ZUP1: variants seen among roughly 807,000 people sequenced by gnomAD.
ZUP1 encodes the protein zinc finger-containing ubiquitin peptidase 1.
A neutral mutation model predicts 68.1 loss-of-function variants in ZUP1; 55 were observed. The ratio of observed to expected loss-of-function variants is 0.81; its 90% CI spans 0.65 to 1.01. The LOEUF is 1.01. ZUP1 is among the 50% of genes least tolerant of loss of function. The pLI, the probability that ZUP1 is intolerant of heterozygous loss-of-function variation, is 0.00. For synonymous variants in ZUP1, 223 were observed against 221.5 expected (o/e 1.01, Z -0.06); for missense variants, 684 against 674.9 (o/e 1.01, Z -0.15).
Position 116,667,174 on chromosome 6 carries a change from A to T in ZUP1, c.19T>A (p.Cys7Ser). The change falls in exon 2 of 10, where the codon TGT becomes AGT. Residue 7 changes from cysteine to serine, a missense_variant. Coordinates refer to ENST00000368576, the MANE Select transcript of ZUP1 (RefSeq NM_145062.3). ...GGTTCTGAGGTTACTGTTTCACCAC[A>T]AATATTACAGGAAAGCATGGTATTG... MLSCNI[C>S]GETVTSEPDM... is the part of the protein sequence containing the mutation. The T allele has an allele frequency of 6.3e-7, 1 of 1,587,178 alleles. No individual in the cohort carries two copies. Among genetic ancestry groups the T allele is most frequent in the South Asian group, 1.2e-5 (1 of 86,836 alleles).
chr6:116,637,899 C>CTAAATATACAAAATTAGCTGGG (rs1775950060), intron 9 of ZUP1, among the ~76,000 whole-genome samples: 1 of 151,836 alleles, frequency 6.6e-6, no homozygotes, highest in Non-Finnish European at 1.5e-5. Context: ...CCCATCTCTA[C>CTAAATATACAAAATTAGCTGGG]TAAATATACA....
Position 116,635,882 on chromosome 6 carries a change from T to C in ZUP1, c.1690-3A>G. On this transcript the variant is annotated splice_region_variant and splice_polypyrimidine_tract_variant and intron_variant, in intron 9 of 9. Coordinates refer to ENST00000368576, the MANE Select transcript of ZUP1 (RefSeq NM_145062.3). ...ACTTGAGAAGCTTGTCTCCTGGCCT[T>C]GAAAAGAAATTTTAAAAAACAATTT... 1 of 1,579,420 alleles carries C rather than the reference T, an allele frequency of 6.3e-7. No individual in the cohort carries two copies. Among genetic ancestry groups the C allele is most frequent in the Non-Finnish European group, 8.6e-7 (1 of 1,164,790 alleles).
At position 116,645,916 on chromosome 6, in the gene ZUP1, A is replaced by G. The variant is rs1776291255; in HGVS notation, c.1487T>C (p.Ile496Thr). The change falls in exon 9 of 10, where the codon ATT becomes ACT. Residue 496 changes from isoleucine (I) to threonine (T), a missense_variant. Physicochemically the swap from Ile to Thr is moderately conservative, Grantham distance 89. Transcript: ENST00000368576. ...TCGGTTTTTTTTCTCTTCAATTCCAATAACAGTTCGACTGTGACCTATCAA... is the reference window on the plus strand; with the variant it reads ...TCGGTTTTTTTTCTCTTCAATTCCAGTAACAGTTCGACTGTGACCTATCAA... ...LQHQGHSRTV[I>T]GIEEKKNRTL... 5 of 1,612,950 alleles carry G rather than the reference A, an allele frequency of 3.1e-6. No homozygotes were observed. Among genetic ancestry groups the G allele is most frequent in the South Asian group, 1.1e-5 (1 of 90,910 alleles).
intron 2 of ZUP1, among the ~76,000 whole-genome samples, chr6:116,664,879 G>GACAGAC: frequency 1.4e-5 from 2 of 147,244 alleles, no homozygotes; most frequent in South Asian, 4.3e-4. Flanking sequence ...CACAAGTACA[G>GACAGAC]ACACACACAC....
intron 5 of ZUP1, among the ~76,000 whole-genome samples, chr6:116,652,732 C>T (rs1055822198): frequency 6.6e-6 from 1 of 151,994 alleles, no homozygotes; most frequent in Non-Finnish European, 1.5e-5. Flanking sequence ...TTCCATTTTG[C>T]TATTTGGGGA....
intron 7 of ZUP1, among the ~76,000 whole-genome samples, chr6:116,650,422 C>CAAA (rs61692064): frequency 0.23 from 10,649 of 46,306 alleles, 1,210 homozygotes; most frequent in East Asian, 0.25. Flanking sequence ...AACTCCGTCT[C>CAAA]AAAAAAAAAA....
At chr6:116,645,578 G>A (rs1776265370) in intron 9 of ZUP1, 136 bp downstream of exon 9, 5 of 621,818 alleles carry the variant, frequency 8.0e-6, no homozygotes, top group Non-Finnish European at 1.0e-5. Flanking sequence ...GTGAGACCCT[G>A]TCTCCAAAAA....
chr6:116,656,809 T>A lies in ZUP1; in HGVS notation c.836A>T (p.Gln279Leu), dbSNP rs749449047. 2 of 1,608,140 alleles carry A rather than the reference T, an allele frequency of 1.2e-6. No individual in the cohort carries two copies. Among genetic ancestry groups the A allele is most frequent in the Non-Finnish European group, 1.7e-6 (2 of 1,176,062 alleles). ...LDNSGGYKQQ[Q>L]LRNMEIEVNR... ...TACTTCTATCTCCATATTTCGTAGT[T>A]GTTGTTGTTTGTATCCTCCAGAATT... is the stretch of plus-strand genomic sequence containing the variant. The change falls in exon 5 of 10, where the codon CAA becomes CTA. Residue 279 changes from glutamine to leucine, a missense_variant. Coordinates refer to ENST00000368576, the MANE Select transcript of ZUP1 (RefSeq NM_145062.3).
chr6:116,650,215 G>A (rs1776441022), intron 7 of ZUP1, among the ~76,000 whole-genome samples: 1 of 152,014 alleles, frequency 6.6e-6, no homozygotes, highest in African/African-American at 2.4e-5. Context: ...CTGTGGTCAA[G>A]AGTTGAGACC....
intron 9 of ZUP1, among the ~76,000 whole-genome samples, chr6:116,644,907 G>GA (rs1257010641): frequency 6.6e-6 from 1 of 151,618 alleles, no homozygotes; most frequent in African/African-American, 2.4e-5. Flanking sequence ...GAGGTGAAAA[G>GA]AAAAAATCAG....
intron 9 of ZUP1, among the ~76,000 whole-genome samples, chr6:116,636,254 T>G (rs942845074): frequency 6.6e-6 from 1 of 152,164 alleles, no homozygotes; most frequent in East Asian, 1.9e-4. Flanking sequence ...TCCCTCATTA[T>G]AGTCTTAAAA....
At chr6:116,646,029 A>G (rs1776298876) in intron 8 of ZUP1, 95 bp from the exon 9 acceptor site, 3 of 856,178 alleles carry the variant, frequency 3.5e-6, no homozygotes, top group South Asian at 1.9e-5. Flanking sequence ...ATGTGTGTTT[A>G]GAATATAAAT....
chr6:116,666,900 T>G lies in ZUP1; in HGVS notation c.293A>C (p.Asn98Thr). ...NSSILSGCAS[N>T]HPKNSAQNLT... is the part of the protein sequence containing the mutation. ...GTTTTGAGCTGAATTTTTTGGATGA[T>G]TAGATGCACAACCTGAAAGAATACT... is the stretch of plus-strand genomic sequence containing the variant. The change falls in exon 2 of 10, where the codon AAT becomes ACT. Residue 98 changes from asparagine (N) to threonine (T), a missense_variant. Physicochemically the swap from Asn to Thr is moderately conservative, Grantham distance 65. Transcript: ENST00000368576. 1 of 1,611,764 alleles carries G rather than the reference T, an allele frequency of 6.2e-7. No individual in the cohort carries two copies. Among genetic ancestry groups the G allele is most frequent in the Non-Finnish European group, 8.5e-7 (1 of 1,179,346 alleles).
rs1176055318 is a variant in ZUP1, at chr6:116,668,087, CTATT to C, written c.-16+475_-16+478del. On this transcript the variant is annotated intron_variant, in intron 1 of 9. Transcript: ENST00000368576. ...CTACAGGTCATCGTTCAGCTAAAGA[CTATT>C]TAAAATCAAACAGGAAAAGTAATGA... is the stretch of plus-strand genomic sequence containing the variant. Among the ~76,000 whole-genome samples, 8 of 152,314 alleles carry C rather than the reference CTATT, an allele frequency of 5.3e-5. No individual in the cohort carries two copies. In the South Asian group the frequency reaches 1.5e-3, roughly 28 times the overall value.
chr6:116,658,253 C>T (rs1403912786), intron 4 of ZUP1, among the ~76,000 whole-genome samples: 1 of 152,142 alleles, frequency 6.6e-6, no homozygotes, highest in Non-Finnish European at 1.5e-5. Flanking sequence ...TTTAGTCCAA[C>T]AGGTAAAACC....
rs1465067495 is a variant in ZUP1 at position 116,642,539 on chromosome 6, A to T, written c.1689+3175T>A. 2.0e-5 allele frequency among the ~76,000 whole-genome samples: 3 copies of T among 152,246 alleles called. No individual in the cohort carries two copies. The East Asian group carries it at 5.8e-4, about 29-fold the overall frequency. ...ATGCAAGGCTGGTTCAATATACGCAAATCAATAAATGTAATCCAGAATATA... is the reference window on the plus strand; with the variant it reads ...ATGCAAGGCTGGTTCAATATACGCATATCAATAAATGTAATCCAGAATATA... On this transcript the variant is annotated intron_variant, in intron 9 of 9. Coordinates refer to ENST00000368576, the MANE Select transcript of ZUP1 (RefSeq NM_145062.3).
intron 9 of ZUP1, among the ~76,000 whole-genome samples, chr6:116,638,505 T>C (rs996659053): frequency 1.3e-5 from 2 of 152,180 alleles, no homozygotes; most frequent in South Asian, 4.1e-4. Flanking sequence ...GAAATGTGAA[T>C]ATCCAATAAG....
chr6:116,653,611 AT>A (rs908075264), intron 5 of ZUP1, among the ~76,000 whole-genome samples: 1 of 152,072 alleles, frequency 6.6e-6, no homozygotes, highest in African/African-American at 2.4e-5. Context: ...AAAAACAACA[AT>A]TAAAATAGTA....
chr6:116,647,584 G>C lies in ZUP1; in HGVS notation c.1343C>G (p.Ser448Ter). 6.3e-7 allele frequency: 1 copy of C among 1,577,194 alleles called. No homozygotes were observed. Among genetic ancestry groups the C allele is most frequent in the Non-Finnish European group, 8.7e-7 (1 of 1,155,334 alleles). ...AGGGTGTGTACCCAAAGGACCAGTT[G>C]ATTTGTGAAAATCAACAATATGACA... ...VKCHIVDFHK[S>*]TGPLGTHPRL... The change falls in exon 8 of 10, where the codon TCA (serine) becomes TGA (stop). Residue 448 changes from serine (S) to a stop codon, truncating the protein, a stop_gained. Transcript: ENST00000368576. LOFTEE classifies it high-confidence loss of function.
Sources: gnomAD v4.1 joint callset for allele counts (sites outside exome capture counted in the v4.1 genomes callset) on GRCh38, gnomAD v4.1.1 for gene constraint, MANE v1.5 for transcripts, NCBI Gene and HGNC (gene_info 2026-07-23, HGNC 2026-07-21) for gene names.